The following NKAIN2 variants were observed in gnomAD, a reference collection of about 807,000 sequenced individuals.
NKAIN2 encodes sodium/potassium transporting ATPase interacting 2, also known as sodium/potassium-transporting ATPase subunit beta-1-interacting protein 2.
A neutral mutation model predicts 32.6 loss-of-function variants in NKAIN2; 14 were observed. The ratio of observed to expected loss-of-function variants is 0.43; its 90% confidence interval spans 0.28 to 0.67. The LOEUF (loss-of-function observed/expected upper bound fraction) is 0.67. Among genes scored for constraint, NKAIN2 ranks in the 30% least tolerant of loss-of-function variants. The probability of loss-of-function intolerance (pLI) is 0.17; values close to 1 mark genes in which losing one functional copy is unlikely to be tolerated. For synonymous variants in NKAIN2, 80 were observed against 87.2 expected, an observed-to-expected ratio of 0.92 and a Z score of 0.46; for missense variants, 198 against 258.3, an observed-to-expected ratio of 0.77 and a Z score of 1.60.
intron 1 of NKAIN2, among the ~76,000 whole-genome samples, chr6:124,079,029 G>A (rs1252387671): frequency 6.6e-6 from 1 of 151,704 alleles, no homozygotes. Flanking sequence ...ATCAGTGGGG[G>A]CAAAGAAAAT....
chr6:124,764,336 T>C, intron 4 of NKAIN2, among the ~76,000 whole-genome samples: 1 of 152,190 alleles, frequency 6.6e-6, no homozygotes, highest in South Asian at 2.1e-4. Context: ...TTATCAAACC[T>C]GATGACAGAT....
At chr6:124,229,533 T>TAGATAGATAGATAGAC (rs1298590453) in intron 1 of NKAIN2, among the ~76,000 whole-genome samples, 23 of 149,170 alleles carry the variant, frequency 1.5e-4, no homozygotes, top group East Asian at 4.0e-4. Context: ...GATAGATAGA[T>TAGATAGATAGATAGAC]AGACAGACAG....
intron 2 of NKAIN2, among the ~76,000 whole-genome samples, chr6:124,346,003 G>A (rs1798402976): frequency 6.6e-6 from 1 of 151,908 alleles, no homozygotes; most frequent in African/African-American, 2.4e-5. Context: ...ACACTGCTTT[G>A]AATGTGTCCT....
chr6:123,817,916 C>T (rs1773761725), intron 1 of NKAIN2, among the ~76,000 whole-genome samples: 1 of 152,114 alleles, frequency 6.6e-6, no homozygotes, highest in South Asian at 2.1e-4. Context: ...TTGAAAGCTA[C>T]TTTTTATGGT....
intron 3 of NKAIN2, among the ~76,000 whole-genome samples, chr6:124,517,922 G>T (rs1346588780): frequency 2.0e-5 from 3 of 151,964 alleles, no homozygotes; most frequent in African/African-American, 4.8e-5. Flanking sequence ...TTGATTTGAA[G>T]TAATTTAAAC....
chr6:124,362,629 T>A (rs1799336396), intron 3 of NKAIN2, among the ~76,000 whole-genome samples: 1 of 152,146 alleles, frequency 6.6e-6, no homozygotes. Flanking sequence ...AGTCTTGACC[T>A]TGTTGCTAAG....
intron 4 of NKAIN2, chr6:124,658,642 A>G: frequency 1.2e-6 from 1 of 854,528 alleles, no homozygotes. Context: ...ATCAGTCAAG[A>G]TGTGATTACG....
chr6:124,113,067 G>T (rs73565493), intron 1 of NKAIN2, among the ~76,000 whole-genome samples: 7,151 of 151,790 alleles, frequency 0.047, 557 homozygotes, highest in African/African-American at 0.16. Context: ...CATCTTAGTC[G>T]GATTCTTCAT....
At chr6:124,554,805 G>A (rs1780415104) in intron 3 of NKAIN2, among the ~76,000 whole-genome samples, 1 of 152,168 alleles carries the variant, frequency 6.6e-6, no homozygotes, top group Non-Finnish European at 1.5e-5. Context: ...CTGAGCATCA[G>A]GGAGGGAAAG....
chr6:124,577,324 A>T (rs1781369029), intron 3 of NKAIN2, among the ~76,000 whole-genome samples: 1 of 152,112 alleles, frequency 6.6e-6, no homozygotes, highest in Admixed American at 6.5e-5. Context: ...GACAGTCTTG[A>T]ATTGCTGTCA....
At chr6:123,959,495 AAAC>A (rs940867170) in intron 1 of NKAIN2, among the ~76,000 whole-genome samples, 4 of 152,172 alleles carry the variant, frequency 2.6e-5, no homozygotes, top group Admixed American at 2.0e-4. Context: ...GTTGTTGTAA[AAAC>A]AATTCTTTAT....
intron 3 of NKAIN2, among the ~76,000 whole-genome samples, chr6:124,486,658 T>A (rs2114713788): frequency 6.6e-6 from 1 of 152,296 alleles, no homozygotes; most frequent in Non-Finnish European, 1.5e-5. Flanking sequence ...AAGTTTCTGT[T>A]TGAAAGGATT....
intron 1 of NKAIN2, among the ~76,000 whole-genome samples, chr6:124,244,171 T>G (rs1364866917): frequency 3.3e-5 from 5 of 151,468 alleles, no homozygotes; most frequent in Non-Finnish European, 5.9e-5. Flanking sequence ...ACATGTGCCA[T>G]GCTGGTGCGC....
At chr6:124,354,657 C>G (rs1583108980) in intron 2 of NKAIN2, among the ~76,000 whole-genome samples, 1 of 152,094 alleles carries the variant, frequency 6.6e-6, no homozygotes, top group Admixed American at 6.6e-5. Flanking sequence ...GCTAAGGAAA[C>G]TGTGAGTCTT....
chr6:124,729,996 T>G (rs1486274806), intron 4 of NKAIN2, among the ~76,000 whole-genome samples: 2 of 142,396 alleles, frequency 1.4e-5, no homozygotes, highest in Non-Finnish European at 3.0e-5. Flanking sequence ...GGAATCCAAC[T>G]TACAAGGCAT....
chr6:124,654,311 T>C (rs1422013586), intron 3 of NKAIN2, among the ~76,000 whole-genome samples: 1 of 152,104 alleles, frequency 6.6e-6, no homozygotes, highest in Non-Finnish European at 1.5e-5. Context: ...GTTAATTGAT[T>C]TTCTAAGTAA....
intron 3 of NKAIN2, among the ~76,000 whole-genome samples, chr6:124,577,302 GAGGAA>G (rs1781368369): frequency 6.6e-6 from 1 of 152,146 alleles, no homozygotes; most frequent in South Asian, 2.1e-4. Context: ...AGGCAAGGAA[GAGGAA>G]AGGAAAGACA....
intron 1 of NKAIN2, among the ~76,000 whole-genome samples, chr6:124,146,594 T>G (rs1212774156): frequency 6.6e-6 from 1 of 152,196 alleles, no homozygotes. Context: ...TGTAGAACAT[T>G]GCTCATGATA....
chr6:124,222,927 G>A (rs958916702), intron 1 of NKAIN2, among the ~76,000 whole-genome samples: 5 of 152,132 alleles, frequency 3.3e-5, no homozygotes, highest in African/African-American at 7.2e-5. Flanking sequence ...CAGAACTGGA[G>A]AGAGTGAGTG....
Sources: allele counts gnomAD v4.1 joint callset (sites outside exome capture counted in the v4.1 genomes callset), GRCh38; gene constraint gnomAD v4.1.1; transcripts MANE v1.5; gene names NCBI Gene and HGNC (gene_info 2026-07-23, HGNC 2026-07-21).